The following VPS13D variants were observed in gnomAD, a reference collection of about 807,000 sequenced individuals.
VPS13D encodes intermembrane lipid transfer protein VPS13D.
In VPS13D, 187 loss-of-function variants were observed where a neutral mutation model predicts 461.9. The ratio of observed to expected loss-of-function variants is 0.40; its 90% CI spans 0.36 to 0.46. The LOEUF (loss-of-function observed/expected upper bound fraction) is 0.46, where lower values mean the gene tolerates loss of function less well. VPS13D is among the 20% of genes least tolerant of loss of function. The probability of loss-of-function intolerance (pLI) is 0.60; values close to 1 mark genes in which losing one functional copy is unlikely to be tolerated. For missense variants in VPS13D, 4,711 were observed against 5,364.9 expected (o/e 0.88, Z 3.81); for synonymous variants, 1,951 against 1,986.3 (o/e 0.98, Z 0.47).
intron 50 of VPS13D, among the ~76,000 whole-genome samples, chr1:12,360,953 A>G (rs12061132): frequency 0.11 from 16,019 of 152,182 alleles, 1,681 homozygotes; most frequent in African/African-American, 0.26. Context: ...AATGGAGTGC[A>G]GTCCTTGTAT....
chr1:12,498,956 G>T (rs1298907575), intron 68 of VPS13D, among the ~76,000 whole-genome samples: 1 of 152,118 alleles, frequency 6.6e-6, no homozygotes, highest in Non-Finnish European at 1.5e-5. Flanking sequence ...TGGCGGGGAG[G>T]GGGTAACTCT....
chr1:12,460,392 C>T lies in VPS13D; in HGVS notation c.12658C>T (p.Pro4220Ser). The T allele has an allele frequency of 6.3e-7, 1 of 1,591,612 alleles. No individual in the cohort carries two copies. The highest frequency in any genetic ancestry group is 8.6e-7 in the Non-Finnish European group (1 of 1,168,342). ...AVRDTATLSGPRTQAQRVRKP... is the reference protein window; with the variant it reads ...AVRDTATLSGSRTQAQRVRKP... ...GAGAGACACAGCCACACTCAGCGGC[C>T]CCAGGTCAGTGGTGTGGGAAGAATG... The change falls in exon 67 of 70, where the codon CCC (proline) becomes TCC (serine). Residue 4220 changes from proline (P) to serine (S), a missense_variant. Physicochemically the swap from Pro to Ser is moderately conservative, Grantham distance 74 (BLOSUM62 -1). Coordinates refer to ENST00000620676, the MANE Select transcript of VPS13D (RefSeq NM_015378.4).
At chr1:12,366,495 G>A (rs1174273636) in intron 52 of VPS13D, among the ~76,000 whole-genome samples, 1 of 152,140 alleles carries the variant, frequency 6.6e-6, no homozygotes, top group Non-Finnish European at 1.5e-5. Flanking sequence ...AGTGGGGAGG[G>A]AAAAGGGATT....
At chr1:12,298,429 C>T (rs1056246879) in intron 24 of VPS13D, among the ~76,000 whole-genome samples, 1 of 152,022 alleles carries the variant, frequency 6.6e-6, no homozygotes, top group Non-Finnish European at 1.5e-5. Flanking sequence ...CACATGAGGC[C>T]GGGAGTTTGA....
In VPS13D at chr1:12,260,865, G is replaced by C; in HGVS notation, c.1212+71G>C. ...TGAGTGCTACAGTTTTGATGTGCTT[G>C]TGCTCCTGTGGGGAAACAGCAGCAT... On this transcript the variant is annotated intron_variant, in intron 11 of 69. Coordinates refer to ENST00000620676, the MANE Select transcript of VPS13D (RefSeq NM_015378.4). The C allele has an allele frequency of 1.9e-6, 3 of 1,608,426 alleles. No homozygotes were observed. The South Asian group carries it at 3.3e-5, about 18-fold the overall frequency.
intron 27 of VPS13D, among the ~76,000 whole-genome samples, chr1:12,309,317 T>C (rs564875274): frequency 2.2e-4 from 33 of 151,052 alleles, no homozygotes; most frequent in African/African-American, 8.0e-4. Flanking sequence ...TTCAAGCGAT[T>C]CTCCTTCCTC....
At chr1:12,400,013 T>C (rs1440587815) in intron 60 of VPS13D, among the ~76,000 whole-genome samples, 168 bp from the exon 61 acceptor site, 1 of 152,172 alleles carries the variant, frequency 6.6e-6, no homozygotes, top group African/African-American at 2.4e-5. Context: ...TTATGACTGC[T>C]TACTTTATTA....
At chr1:12,468,251 A>G (rs528893526) in intron 67 of VPS13D, among the ~76,000 whole-genome samples, 7 of 152,314 alleles carry the variant, frequency 4.6e-5, no homozygotes, top group Non-Finnish European at 1.0e-4. Context: ...AAAAATTTGT[A>G]TTTTGTGCAT....
At chr1:12,436,116 C>T (rs1645057139) in intron 65 of VPS13D, among the ~76,000 whole-genome samples, 1 of 151,968 alleles carries the variant, frequency 6.6e-6, no homozygotes, top group Non-Finnish European at 1.5e-5. Context: ...CAGACATAAA[C>T]AAAACAAAGC....
chr1:12,272,392 G>GGGGTGT (rs71568400), intron 17 of VPS13D, among the ~76,000 whole-genome samples: 6 of 143,038 alleles, frequency 4.2e-5, no homozygotes, highest in Non-Finnish European at 9.3e-5. Context: ...TTTTTGTTTT[G>GGGGTGT]GTGTGTGTGT....
In VPS13D at chr1:12,495,964, C is replaced by A. The variant is rs1645951524; in HGVS notation, c.12663-1536C>A. ...CCAGCATCCTCTCGGCAGCAGTCGT[C>A]CAGCTTCTCTCCTGATGGGTTAGCA... is the stretch of plus-strand genomic sequence containing the variant. On this transcript the variant is annotated intron_variant, in intron 67 of 69. Transcript: ENST00000620676. This position sits in a 1 kb window ranked among gnomAD's most constrained non-coding sequence, Gnocchi z 4.0. Among the ~76,000 whole-genome samples, 1 of 152,230 alleles carries A rather than the reference C, an allele frequency of 6.6e-6. No individual in the cohort carries two copies. Among genetic ancestry groups the A allele is most frequent in the African/African-American group, 2.4e-5 (1 of 41,458 alleles).
intron 64 of VPS13D, 127 bp from the exon 65 acceptor site, chr1:12,416,533 A>G (rs547877082): frequency 1.0e-6 from 1 of 1,001,622 alleles, no homozygotes; most frequent in Non-Finnish European, 1.4e-6. Flanking sequence ...AAAGCTTTTA[A>G]TCTCGTTACT....
chr1:12,311,539 C>G lies in VPS13D; in HGVS notation c.6736C>G (p.Leu2246Val). The change falls in exon 28 of 70, where the codon CTG becomes GTG. Residue 2246 changes from leucine (L) to valine (V), a missense_variant. Coordinates refer to ENST00000620676, the MANE Select transcript of VPS13D (RefSeq NM_015378.4). ...CTCTCTGGATCTGTATAAATACAAG[C>G]TGATCCGCGGCTTATTAGAGAACAA... Reference protein sequence around the residue: ...HCSLDLYKYKLIRGLLENNLG... With the variant: ...HCSLDLYKYKVIRGLLENNLG... 1 of 1,614,166 alleles carries G rather than the reference C, an allele frequency of 6.2e-7. No homozygotes were observed. The highest frequency in any genetic ancestry group is 8.5e-7 in the Non-Finnish European group (1 of 1,180,024).
At chr1:12,428,963 T>A (rs931381108) in intron 65 of VPS13D, among the ~76,000 whole-genome samples, 1 of 152,272 alleles carries the variant, frequency 6.6e-6, no homozygotes, top group South Asian at 2.1e-4. Flanking sequence ...ATGAGAGAAG[T>A]GCTGTGGGGC....
intron 37 of VPS13D, among the ~76,000 whole-genome samples, chr1:12,331,572 CGTG>C (rs914427435): frequency 3.3e-5 from 5 of 151,434 alleles, no homozygotes; most frequent in Admixed American, 6.6e-5. Flanking sequence ...ATTAGCCGGG[CGTG>C]GTGGTGGGCA....
intron 67 of VPS13D, among the ~76,000 whole-genome samples, chr1:12,481,295 T>C (rs1645712906): frequency 6.6e-6 from 1 of 152,182 alleles, no homozygotes; most frequent in Admixed American, 6.5e-5. Context: ...AAAAGGCACA[T>C]AGTGTAGTGT....
Position 12,492,157 on chromosome 1 carries a change from G to T in VPS13D, c.12663-5343G>T, listed in dbSNP as rs191265935. 2.2e-4 allele frequency among the ~76,000 whole-genome samples: 34 copies of T among 152,364 alleles called. No homozygotes were observed. In the South Asian group the frequency reaches 4.6e-3, roughly 20 times the overall value. The stretch of plus-strand genomic sequence containing the variant: ...AAGGAACAAAGCCACCAGGGAGGCC[G>T]CAGGCCTAACAGTGGTGGGCCTGAG... On this transcript the variant is annotated intron_variant, in intron 67 of 69. Coordinates refer to ENST00000620676, the MANE Select transcript of VPS13D (RefSeq NM_015378.4).
intron 2 of VPS13D, among the ~76,000 whole-genome samples, chr1:12,236,133 TGAACCTGTG>T (rs1169493387): frequency 6.6e-6 from 1 of 152,232 alleles, no homozygotes; most frequent in Non-Finnish European, 1.5e-5. Context: ...TGGCTTTTAA[TGAACCTGTG>T]GAACTTGAAG....
intron 60 of VPS13D, among the ~76,000 whole-genome samples, chr1:12,387,527 CTG>C (rs1372640214): frequency 1.3e-5 from 2 of 152,064 alleles, no homozygotes; most frequent in Non-Finnish European, 2.9e-5. Flanking sequence ...GTTAATGTAA[CTG>C]TATTCTCTGT....
Sources: allele counts gnomAD v4.1 joint callset (sites outside exome capture counted in the v4.1 genomes callset), GRCh38; gene constraint gnomAD v4.1.1; non-coding constraint Gnocchi (gnomAD v3.1); transcripts MANE v1.5; gene names NCBI Gene and HGNC (gene_info 2026-07-23, HGNC 2026-07-21).